The following ANK2 variants were observed in gnomAD, a reference collection of about 807,000 sequenced individuals.
ANK2 encodes ankyrin-2.
A neutral mutation model predicts 360.5 loss-of-function variants in ANK2; 83 were observed. That is an observed-to-expected ratio of 0.23 (90% CI 0.19 to 0.28). The LOEUF (loss-of-function observed/expected upper bound fraction) is 0.28, where lower values mean the gene tolerates loss of function less well. ANK2 is among the 10% of genes least tolerant of loss of function. The pLI is 1.00. For missense variants in ANK2, 4,201 were observed against 4,795.7 expected (o/e 0.88, Z 3.66); for synonymous variants, 1,740 against 1,759.5 (o/e 0.99, Z 0.28).
intron 4 of ANK2, among the ~76,000 whole-genome samples, chr4:113,223,521 T>C (rs2099175296): frequency 6.6e-6 from 1 of 152,148 alleles, no homozygotes; most frequent in African/African-American, 2.4e-5. Flanking sequence ...TTAAGGGTAT[T>C]GTAAAGATTT....
intron 2 of ANK2, among the ~76,000 whole-genome samples, chr4:113,027,452 A>G (rs1461649323): frequency 6.6e-6 from 1 of 151,958 alleles, no homozygotes; most frequent in Non-Finnish European, 1.5e-5. Context: ...ATTTTTGCTG[A>G]TTGTTCAGAA....
chr4:112,883,007 A>ACTTGGTT (rs1041273542), intron 1 of ANK2, among the ~76,000 whole-genome samples: 4 of 69,842 alleles, frequency 5.7e-5, no homozygotes, highest in Non-Finnish European at 1.2e-4. Context: ...TTTCTGGTTT[A>ACTTGGTT]CTTGGTTAGT....
intron 1 of ANK2, among the ~76,000 whole-genome samples, chr4:113,114,071 C>T (rs746172780): frequency 5.9e-5 from 9 of 152,136 alleles, no homozygotes; most frequent in Non-Finnish European, 8.8e-5. Flanking sequence ...TCACACACTA[C>T]GAATGGACTT....
Position 112,840,119 on chromosome 4 carries a change from G to A in ANK2, c.-40+21855G>A, listed in dbSNP as rs566423474. On this transcript the variant is annotated intron_variant, in intron 1 of 30. Coordinates refer to the ANK2 transcript ENST00000503271. ...GGTCCTTGTCCTTCCTCTAACAGCA[G>A]GCTTTAGATCAAACATCTCTGCTTG... 4.9e-4 allele frequency among the ~76,000 whole-genome samples: 74 copies of A among 152,306 alleles called. 1 individual carries two copies. The highest frequency in any genetic ancestry group is 8.8e-4 in the Non-Finnish European group (60 of 68,026).
chr4:113,089,872 A>T (rs1040627409), intron 1 of ANK2, among the ~76,000 whole-genome samples: 41 of 152,158 alleles, frequency 2.7e-4, no homozygotes, highest in African/African-American at 8.9e-4. Flanking sequence ...AAATATATGA[A>T]ACAACCTCCT....
At chr4:112,832,662 G>T (rs1179860051) in intron 1 of ANK2, among the ~76,000 whole-genome samples, 2 of 152,052 alleles carry the variant, frequency 1.3e-5, no homozygotes, top group African/African-American at 4.8e-5. Flanking sequence ...AGAACATTTG[G>T]CCCAGATGTT....
intron 2 of ANK2, among the ~76,000 whole-genome samples, chr4:113,189,746 ACCGTTGGTG>A: frequency 6.6e-6 from 1 of 151,928 alleles, no homozygotes; most frequent in South Asian, 2.1e-4. Flanking sequence ...TTCCGATGTC[ACCGTTGGTG>A]CCTGGAGGCA....
At chr4:112,956,991 C>G (rs762534751) in intron 2 of ANK2, among the ~76,000 whole-genome samples, 1 of 134,958 alleles carries the variant, frequency 7.4e-6, no homozygotes, top group East Asian at 2.1e-4. Context: ...TCTAAATTAT[C>G]TGCACTATTG....
At chr4:113,281,266 A>G (rs1158902176) in intron 17 of ANK2, among the ~76,000 whole-genome samples, 2 of 152,154 alleles carry the variant, frequency 1.3e-5, no homozygotes, top group African/African-American at 4.8e-5. Flanking sequence ...AAGTTTGATT[A>G]CAGGCTCAAA....
At chr4:112,747,203 T>C in the ANK2 span, among the ~76,000 whole-genome samples, 1 of 152,230 alleles carries the variant, frequency 6.6e-6, no homozygotes, top group Admixed American at 6.5e-5. Context: ...TGGGAAATTC[T>C]TTTGTGTCTT....
intron 1 of ANK2, 80 bp downstream of exon 1, chr4:113,049,892 A>G (rs1405544711): frequency 9.8e-6 from 15 of 1,524,952 alleles, no homozygotes; most frequent in Admixed American, 7.2e-5. Flanking sequence ...CAGCAAGGCT[A>G]TGGAAACCGT....
chr4:112,882,097 A>C (rs2076857060), intron 1 of ANK2: 1 of 325,002 alleles, frequency 3.1e-6, no homozygotes. Context: ...CAGCCCTCCC[A>C]TGAAGAGCTT....
At chr4:113,011,241 A>T (rs2054614098) in intron 2 of ANK2, among the ~76,000 whole-genome samples, 1 of 152,084 alleles carries the variant, frequency 6.6e-6, no homozygotes, top group South Asian at 2.1e-4. Flanking sequence ...TAAAATGTTT[A>T]AGCTGGGATA....
At chr4:112,765,057 C>G in the ANK2 span, among the ~76,000 whole-genome samples, 1 of 152,192 alleles carries the variant, frequency 6.6e-6, no homozygotes, top group African/African-American at 2.4e-5. Flanking sequence ...ATCTTCTCAA[C>G]AATGTATGAA....
the ANK2 span, among the ~76,000 whole-genome samples, chr4:112,751,861 G>A: frequency 1.7e-4 from 26 of 152,316 alleles, no homozygotes; most frequent in African/African-American, 6.0e-4. Flanking sequence ...ATGTGCTGGA[G>A]TCCCAACAAG....
intron 4 of ANK2, among the ~76,000 whole-genome samples, chr4:113,213,110 A>G (rs1457767120): frequency 6.6e-6 from 1 of 152,242 alleles, no homozygotes; most frequent in Non-Finnish European, 1.5e-5. Flanking sequence ...GATAGTCTGG[A>G]TGGTGAAAAT....
intron 2 of ANK2, among the ~76,000 whole-genome samples, chr4:112,925,838 C>T (rs2092466157): frequency 6.6e-6 from 1 of 152,080 alleles, no homozygotes; most frequent in Non-Finnish European, 1.5e-5. Context: ...TGGATGGAAC[C>T]ATGGTCAGCA....
the ANK2 span, among the ~76,000 whole-genome samples, chr4:112,732,414 C>A: frequency 2.6e-5 from 4 of 151,918 alleles, no homozygotes; most frequent in East Asian, 1.9e-4. Context: ...CAGCTATTTA[C>A]TTCTTGTTTT....
chr4:113,367,486 C>G, intron 41 of ANK2, 80 bp from the exon 42 acceptor site: 1 of 1,312,108 alleles, frequency 7.6e-7, no homozygotes, highest in Non-Finnish European at 1.1e-6. Flanking sequence ...TTTTTTTTAT[C>G]CTCTTATATT....
Sources: gnomAD v4.1 joint callset for allele counts (sites outside exome capture counted in the v4.1 genomes callset) on GRCh38, gnomAD v4.1.1 for gene constraint, MANE v1.5 for transcripts, NCBI Gene and HGNC (gene_info 2026-07-23, HGNC 2026-07-21) for gene names.